PCDHGB4: variants seen among roughly 807,000 people sequenced by gnomAD.
The protein encoded by PCDHGB4 is protocadherin gamma subfamily B, 4.
A neutral mutation model predicts 60.5 loss-of-function variants in PCDHGB4; 38 were observed. That is an observed-to-expected ratio of 0.63 (90% CI 0.48 to 0.82). The LOEUF is 0.82. PCDHGB4 is among the 40% of genes least tolerant of loss of function. The probability of loss-of-function intolerance (pLI) is 0.00; values close to 1 mark genes in which losing one functional copy is unlikely to be tolerated. For missense variants in PCDHGB4, 1,109 were observed against 1,209.6 expected, an observed-to-expected ratio of 0.92 and a Z score of 1.23; for synonymous variants, 456 against 509.7, an observed-to-expected ratio of 0.89 and a Z score of 1.42.
rs777761385 is a variant in PCDHGB4 at position 141,489,558 on chromosome 5, G to T, written c.2398-5249G>T. 1.1e-5 allele frequency: 17 copies of T among 1,614,130 alleles called. No homozygotes were observed. In the South Asian group the frequency reaches 1.8e-4, roughly 17 times the overall value. On this transcript the variant is annotated intron_variant, in intron 1 of 3. Coordinates refer to ENST00000519479, the MANE Select transcript of PCDHGB4 (RefSeq NM_003736.4). The surrounding 1 kb of genome is among the most constrained non-coding windows in gnomAD (Gnocchi z 4.5). Reference sequence around the variant, plus strand: ...CCAGCACCAGCTGCCTGCTGCCAGTGCAGGTGGTGACTGAACACCCCCTGG... The same window carrying T: ...CCAGCACCAGCTGCCTGCTGCCAGTTCAGGTGGTGACTGAACACCCCCTGG...
At chr5:141,399,625 T>C (rs1270466401) in intron 1 of PCDHGB4, 9 of 1,613,796 alleles carry the variant, frequency 5.6e-6, no homozygotes, top group African/African-American at 1.3e-5. Context: ...ACTGGCCTCT[T>C]ACGTGTCCAT....
chr5:141,495,943 CTGT>C (rs1324780860), intron 2 of PCDHGB4, among the ~76,000 whole-genome samples: 1 of 152,010 alleles, frequency 6.6e-6, no homozygotes, highest in Non-Finnish European at 1.5e-5. Flanking sequence ...GTCTCTGTGC[CTGT>C]TGTCTTTTTC....
At chr5:141,412,917 G>C (rs918712966) in intron 1 of PCDHGB4, 2 of 410,214 alleles carry the variant, frequency 4.9e-6, no homozygotes, top group African/African-American at 2.1e-5. Context: ...GTATCACTTG[G>C]GTGCAGTAAC....
intron 2 of PCDHGB4, among the ~76,000 whole-genome samples, chr5:141,501,536 G>A (rs570102957): frequency 5.9e-5 from 9 of 152,054 alleles, no homozygotes; most frequent in African/African-American, 2.2e-4. Context: ...GTACGTTGTT[G>A]TGCATAAGAT....
rs930695301 is a variant in PCDHGB4, at chr5:141,472,874, T to C, written c.2398-21933T>C. On this transcript the variant is annotated intron_variant, in intron 1 of 3. Coordinates refer to ENST00000519479, the MANE Select transcript of PCDHGB4 (RefSeq NM_003736.4). ...GGTGGCACATGCCTGTATTCCCAGC[T>C]ACTCGGGAGGCTGAGGCAGGAGAAT... Among the ~76,000 whole-genome samples, 5 of 150,448 alleles carry C rather than the reference T, an allele frequency of 3.3e-5. No homozygotes were observed. In the Admixed American group the frequency reaches 3.3e-4, roughly 10 times the overall value.
At chr5:141,394,455 C>T in intron 1 of PCDHGB4, 1 of 1,614,268 alleles carries the variant, frequency 6.2e-7, no homozygotes, top group Non-Finnish European at 8.5e-7. Flanking sequence ...CAACATGTCA[C>T]TGAGCCTGTT....
intron 1 of PCDHGB4, chr5:141,392,681 G>A (rs892273174): frequency 9.7e-7 from 1 of 1,026,496 alleles, no homozygotes; most frequent in Non-Finnish European, 1.4e-6. Context: ...CTGGACTGCA[G>A]CGAAACCCGA....
At position 141,431,580 on chromosome 5, in the gene PCDHGB4, A is replaced by G. The variant is rs777990962; in HGVS notation, c.2397+41299A>G. ...GCTACCGACCCTGACGAAGGAGTCA[A>G]TGCGGAAGTGAGGTATTCCTTCCGG... On this transcript the variant is annotated intron_variant, in intron 1 of 3. Coordinates refer to ENST00000519479, the MANE Select transcript of PCDHGB4 (RefSeq NM_003736.4). The surrounding 1 kb of genome is among the most constrained non-coding windows in gnomAD (Gnocchi z 4.8). 1.2e-5 allele frequency: 19 copies of G among 1,614,098 alleles called. No homozygotes were observed. Among genetic ancestry groups the G allele is most frequent in the Non-Finnish European group, 1.5e-5 (18 of 1,180,040 alleles).
In PCDHGB4 at chr5:141,432,115, C is replaced by G. The variant is rs753088299; in HGVS notation, c.2397+41834C>G. On this transcript the variant is annotated intron_variant, in intron 1 of 3. Transcript: ENST00000519479. This position sits in a 1 kb window ranked among gnomAD's most constrained non-coding sequence, Gnocchi z 6.0. ...ACACCAACGACAACCCGCCGGTCTT[C>G]CCTCAGGCCTCCTATTCCGCTTATA... The G allele has an allele frequency of 1.2e-5, 20 of 1,614,178 alleles. No individual in the cohort carries two copies. Among genetic ancestry groups the G allele is most frequent in the Non-Finnish European group, 1.6e-5 (19 of 1,180,050 alleles).
chr5:141,406,307 T>C (rs2094791462), intron 1 of PCDHGB4, among the ~76,000 whole-genome samples: 1 of 152,088 alleles, frequency 6.6e-6, no homozygotes, highest in African/African-American at 2.4e-5. Flanking sequence ...GTGAACCACC[T>C]CACCCAGCAA....
chr5:141,494,236 T>C (rs1384800217), intron 1 of PCDHGB4, among the ~76,000 whole-genome samples: 7 of 152,128 alleles, frequency 4.6e-5, no homozygotes, highest in Non-Finnish European at 1.0e-4. Flanking sequence ...AAATTAATAA[T>C]GTATTTAGCT....
intron 1 of PCDHGB4, chr5:141,413,152 G>C: frequency 1.3e-6 from 2 of 1,574,694 alleles, no homozygotes; most frequent in Non-Finnish European, 1.7e-6. Flanking sequence ...TGAGGACTTT[G>C]CAGAATTCTG....
At chr5:141,423,785 A>G (rs531378008) in intron 1 of PCDHGB4, 48 of 1,269,536 alleles carry the variant, frequency 3.8e-5, no homozygotes, top group Non-Finnish European at 4.4e-5. Context: ...TTTAGTTCAT[A>G]TATATTTAGA....
rs1220353816 is a variant in PCDHGB4, at chr5:141,396,426, C to T, written c.2397+6145C>T. Reference sequence around the variant, plus strand: ...CTGAGGTCAGGAGTTCAAGATCAGCCTGGCAAACATGGTGAAACCCCGTCT... The same window carrying T: ...CTGAGGTCAGGAGTTCAAGATCAGCTTGGCAAACATGGTGAAACCCCGTCT... On this transcript the variant is annotated intron_variant, in intron 1 of 3. Coordinates refer to ENST00000519479, the MANE Select transcript of PCDHGB4 (RefSeq NM_003736.4). The T allele has an allele frequency of 5.9e-5, 9 of 152,308 alleles. 1 individual carries two copies. The highest frequency in any genetic ancestry group is 2.2e-4 in the African/African-American group (9 of 41,552). 9.4% of individuals were successfully genotyped at this position (152,308 alleles called of 1,614,324 possible). A position where few individuals can be genotyped will look rare whatever the true frequency, so the allele number is the denominator to read the frequency against.
At chr5:141,449,264 C>CTG (rs2098633558) in intron 1 of PCDHGB4, among the ~76,000 whole-genome samples, 1 of 152,056 alleles carries the variant, frequency 6.6e-6, no homozygotes, top group African/African-American at 2.4e-5. Context: ...GTACAAAGAA[C>CTG]TGTATCTCCT....
chr5:141,398,286 C>T (rs1338652897), intron 1 of PCDHGB4: 1 of 1,395,846 alleles, frequency 7.2e-7, no homozygotes, highest in South Asian at 1.3e-5. Context: ...TCGCCACGGA[C>T]CTGGGGTTCA....
chr5:141,469,500 G>A (rs1471801110), intron 1 of PCDHGB4, among the ~76,000 whole-genome samples: 4 of 151,914 alleles, frequency 2.6e-5, no homozygotes, highest in South Asian at 2.1e-4. Flanking sequence ...GCTTGAACCC[G>A]GGAGGTGGAG....
chr5:141,451,955 A>T (rs1004010741), intron 1 of PCDHGB4, among the ~76,000 whole-genome samples: 2 of 152,196 alleles, frequency 1.3e-5, no homozygotes, highest in Admixed American at 1.3e-4. Flanking sequence ...CGAGAAAGTG[A>T]CATACCATCA....
In PCDHGB4 at chr5:141,423,130, G is replaced by A. The variant is rs770258338; in HGVS notation, c.2397+32849G>A. On this transcript the variant is annotated intron_variant, in intron 1 of 3. Coordinates refer to ENST00000519479, the MANE Select transcript of PCDHGB4 (RefSeq NM_003736.4). The stretch of plus-strand genomic sequence containing the variant: ...GGTGCGTACAGCGCGGGCACTGCTG[G>A]ACAGAGACGCGCTCAAGCAGAGCCT... The A allele has an allele frequency of 9.3e-6, 15 of 1,613,582 alleles. No individual in the cohort carries two copies. Among genetic ancestry groups the A allele is most frequent in the Middle Eastern group, 1.6e-4 (1 of 6,072 alleles).
Sources: allele counts gnomAD v4.1 joint callset (sites outside exome capture counted in the v4.1 genomes callset), GRCh38; gene constraint gnomAD v4.1.1; non-coding constraint Gnocchi (gnomAD v3.1); transcripts MANE v1.5; gene names NCBI Gene and HGNC (gene_info 2026-07-23, HGNC 2026-07-21).